The following TNRC6A variants were observed in gnomAD, a reference collection of about 807,000 sequenced individuals.
The protein encoded by TNRC6A is trinucleotide repeat-containing gene 6A protein.
A neutral mutation model predicts 221.2 loss-of-function variants in TNRC6A; 44 were observed. The ratio of observed to expected loss-of-function variants is 0.20; its 90% CI spans 0.16 to 0.26. The LOEUF (loss-of-function observed/expected upper bound fraction) is 0.26, where lower values mean the gene tolerates loss of function less well. Among genes scored for constraint, TNRC6A ranks in the 10% least tolerant of loss-of-function variants. The pLI is 1.00. For missense variants in TNRC6A, 2,199 were observed against 2,404.4 expected, an observed-to-expected ratio of 0.91 and a Z score of 1.79; for synonymous variants, 847 against 838.5, an observed-to-expected ratio of 1.01 and a Z score of -0.18.
chr16:24,755,106 T>G (rs898604531), intron 3 of TNRC6A, among the ~76,000 whole-genome samples: 3 of 152,150 alleles, frequency 2.0e-5, no homozygotes, highest in Admixed American at 2.0e-4. Flanking sequence ...ACCTTACACT[T>G]CTCTTTTCCT....
intron 4 of TNRC6A, among the ~76,000 whole-genome samples, chr16:24,767,045 T>C (rs759539324): frequency 2.0e-5 from 3 of 152,218 alleles, no homozygotes; most frequent in Non-Finnish European, 2.9e-5. Flanking sequence ...CCTAGAGTTT[T>C]ATTTAGCAGT....
chr16:24,632,403 A>C (rs1342406137), intron 1 of TNRC6A, among the ~76,000 whole-genome samples: 3 of 152,140 alleles, frequency 2.0e-5, no homozygotes, highest in African/African-American at 7.2e-5. Flanking sequence ...AAACTCTAGA[A>C]GTCTTTGATT....
At chr16:24,776,785 G>A in intron 4 of TNRC6A, 148 bp from the exon 5 acceptor site, 1 of 1,454,890 alleles carries the variant, frequency 6.9e-7, no homozygotes, top group Non-Finnish European at 9.0e-7. Context: ...AACAAAATTT[G>A]AGCCTGTAAA....
intron 2 of TNRC6A, among the ~76,000 whole-genome samples, chr16:24,657,771 A>G (rs1272915769): frequency 2.0e-5 from 3 of 152,118 alleles, no homozygotes; most frequent in Non-Finnish European, 4.4e-5. Flanking sequence ...GGAGACTTAG[A>G]AAGCTGTAAG....
intron 1 of TNRC6A, among the ~76,000 whole-genome samples, chr16:24,611,048 G>A (rs113702558): frequency 3.6e-4 from 54 of 152,084 alleles, no homozygotes; most frequent in African/African-American, 1.3e-3. Context: ...CCTGACCTCC[G>A]GTGATCTCCC....
At chr16:24,689,219 C>T (rs962444560) in intron 2 of TNRC6A, among the ~76,000 whole-genome samples, 16 of 152,204 alleles carry the variant, frequency 1.1e-4, no homozygotes, top group African/African-American at 3.1e-4. Flanking sequence ...CTTGGAGATA[C>T]TAACCATCAA....
intron 2 of TNRC6A, among the ~76,000 whole-genome samples, chr16:24,682,165 G>A (rs1398934154): frequency 6.6e-6 from 1 of 152,006 alleles, no homozygotes; most frequent in Admixed American, 6.6e-5. Context: ...AACAAAGAAT[G>A]CATCAGTCAA....
intron 1 of TNRC6A, among the ~76,000 whole-genome samples, chr16:24,637,463 C>T (rs183159691): frequency 6.6e-6 from 1 of 152,270 alleles, no homozygotes; most frequent in East Asian, 1.9e-4. Flanking sequence ...CTGACTATGA[C>T]TCCATAGTTC....
intron 4 of TNRC6A, among the ~76,000 whole-genome samples, chr16:24,759,918 G>A (rs79198453): frequency 0.023 from 3,492 of 152,124 alleles, 50 homozygotes; most frequent in Non-Finnish European, 0.037. Flanking sequence ...CAAATTAGTA[G>A]GAATGTTACC....
rs1038099680 is a variant in TNRC6A, at chr16:24,825,199, C to G, written c.*1392C>G. On this transcript the variant is annotated 3_prime_UTR_variant, in exon 25 of 25. Transcript: ENST00000395799. ...CCATTTTAAACTTTCTTTCCTCCCC[C>G]CTTTTTTTGCCCACAAATGGTATTA... 1 of 152,592 alleles carries G rather than the reference C, an allele frequency of 6.6e-6. No individual in the cohort carries two copies. The highest frequency in any genetic ancestry group is 1.5e-5 in the Non-Finnish European group (1 of 68,022). 9.5% of individuals were successfully genotyped at this position (152,592 alleles called of 1,614,324 possible). A position where few individuals can be genotyped will look rare whatever the true frequency, so the allele number is the denominator to read the frequency against.
chr16:24,670,940 G>A (rs1047530170), intron 2 of TNRC6A: 1 of 383,066 alleles, frequency 2.6e-6, no homozygotes. Context: ...ATGCTGACAG[G>A]GGGTACCAGC....
intron 1 of TNRC6A, among the ~76,000 whole-genome samples, chr16:24,638,821 A>G (rs1008603283): frequency 2.0e-5 from 3 of 152,218 alleles, no homozygotes; most frequent in Non-Finnish European, 4.4e-5. Flanking sequence ...AACTAAAGCA[A>G]TAACTATTTC....
rs922945141 is a variant in TNRC6A, at chr16:24,793,496, C to T, written c.3199C>T (p.Pro1067Ser). The T allele has an allele frequency of 3.3e-6, 5 of 1,506,006 alleles. No homozygotes were observed. The highest frequency in any genetic ancestry group is 1.4e-5 in the African/African-American group (1 of 71,472). The allele number at this position is 1,506,006 out of a possible 1,614,324, so 93.3% of individuals were successfully genotyped here. A position where few individuals can be genotyped will look rare whatever the true frequency, so the allele number is the denominator to read the frequency against. The stretch of plus-strand genomic sequence containing the variant: ...AGGCTGGGGTGAGCCCTGGGGGGAG[C>T]CTTCTACTCCAGCCACAACTGTGGA... ...GSGWGEPWGE[P>S]STPATTVDNG... Residue 1067 changes from proline (P) to serine (S), a missense_variant, in exon 7 of 25, where the codon CCT (proline) becomes TCT (serine). Coordinates refer to ENST00000395799, the MANE Select transcript of TNRC6A (RefSeq NM_014494.4).
intron 2 of TNRC6A, among the ~76,000 whole-genome samples, chr16:24,714,822 C>T (rs1309220438): frequency 1.3e-5 from 2 of 151,110 alleles, no homozygotes; most frequent in Non-Finnish European, 2.9e-5. Context: ...AAATTTTCTC[C>T]TCATTTCAAT....
intron 5 of TNRC6A, 104 bp from the exon 6 acceptor site, chr16:24,789,128 G>A (rs189513855): frequency 1.7e-6 from 2 of 1,149,020 alleles, no homozygotes; most frequent in African/African-American, 1.6e-5. Flanking sequence ...TTAAATTGAG[G>A]AGCCACATAT....
At chr16:24,637,010 T>A (rs960627010) in intron 1 of TNRC6A, among the ~76,000 whole-genome samples, 1 of 152,094 alleles carries the variant, frequency 6.6e-6, no homozygotes, top group Non-Finnish European at 1.5e-5. Flanking sequence ...AATGACACTT[T>A]GTTGCAGGGG....
At position 24,789,652 on chromosome 16, in the gene TNRC6A, G is replaced by A. The variant is rs778056188; in HGVS notation, c.1010G>A (p.Ser337Asn). ...SVDAPESKSESSNNRMNAWGT... is the reference protein window; with the variant it reads ...SVDAPESKSENSNNRMNAWGT... ...GATGCTCCTGAAAGCAAATCTGAAAGTAGCAACAATAGAATGAATGCTTGG... is the reference window on the plus strand; with the variant it reads ...GATGCTCCTGAAAGCAAATCTGAAAATAGCAACAATAGAATGAATGCTTGG... The change falls in exon 6 of 25, where the codon AGT becomes AAT. Residue 337 changes from serine (S) to asparagine (N), a missense_variant. Coordinates refer to ENST00000395799, the MANE Select transcript of TNRC6A (RefSeq NM_014494.4). The A allele has an allele frequency of 1.2e-5, 19 of 1,614,158 alleles. No individual in the cohort carries two copies. The Admixed American group carries it at 3.2e-4, about 27-fold the overall frequency.
At chr16:24,808,461 C>G (rs545441185) in intron 17 of TNRC6A, among the ~76,000 whole-genome samples, 2 of 152,358 alleles carry the variant, frequency 1.3e-5, no homozygotes, top group South Asian at 4.1e-4. Flanking sequence ...TGCTTTCGTG[C>G]TGCACCAGCA....
At chr16:24,621,417 G>T (rs1900669602) in intron 1 of TNRC6A, among the ~76,000 whole-genome samples, 1 of 146,948 alleles carries the variant, frequency 6.8e-6, no homozygotes. Flanking sequence ...GGAGGGCAAT[G>T]GTGCGATCTC....
Sources: gnomAD v4.1 joint callset for allele counts (sites outside exome capture counted in the v4.1 genomes callset) on GRCh38, gnomAD v4.1.1 for gene constraint, MANE v1.5 for transcripts, NCBI Gene and HGNC (gene_info 2026-07-23, HGNC 2026-07-21) for gene names.